RBFOX1: variants seen among roughly 807,000 people sequenced by gnomAD.
RBFOX1 encodes the protein RNA binding protein fox-1 homolog 1.
In RBFOX1, 8 loss-of-function variants were observed where a neutral mutation model predicts 57.7. The observed-to-expected ratio is 0.14, with a 90% CI of 0.08 to 0.25. The LOEUF is 0.25. Among genes scored for constraint, RBFOX1 ranks in the 10% least tolerant of loss-of-function variants. RBFOX1 has a pLI of 1.00. For missense variants in RBFOX1, 611 were observed against 548.5 expected (o/e 1.11, Z -1.14); for synonymous variants, 326 against 222.4 (o/e 1.47, Z -4.15).
chr16:5,393,584 C>T (rs528005973), intron 1 of RBFOX1, among the ~76,000 whole-genome samples: 1 of 152,176 alleles, frequency 6.6e-6, no homozygotes, highest in South Asian at 2.1e-4. Context: ...CAGCATGGAG[C>T]AGACCAGGGC....
intron 2 of RBFOX1, among the ~76,000 whole-genome samples, chr16:6,609,403 A>G (rs568692790): frequency 1.3e-5 from 2 of 151,958 alleles, no homozygotes; most frequent in East Asian, 3.9e-4. Context: ...GGAGTGCAGT[A>G]GTGCAGTCTC....
intron 4 of RBFOX1, among the ~76,000 whole-genome samples, chr16:7,222,586 C>G (rs1364401117): frequency 6.6e-6 from 1 of 152,304 alleles, no homozygotes; most frequent in Admixed American, 6.5e-5. Context: ...GGCTGTTGTT[C>G]CTGCCTGGGT....
In RBFOX1 at chr16:5,323,648, A is replaced by G. The variant is rs553179117; in HGVS notation, c.219+83543A>G. Among the ~76,000 whole-genome samples the G allele has an allele frequency of 2.0e-5, 3 of 152,386 alleles. No homozygotes were observed. The South Asian group carries it at 6.2e-4, about 32-fold the overall frequency. Reference sequence around the variant, plus strand: ...GCATGGATGTGCTGGAAGCTCTGAAAAGTAAAACTTAGTTATTTATATGTT... The same window carrying G: ...GCATGGATGTGCTGGAAGCTCTGAAGAGTAAAACTTAGTTATTTATATGTT... On this transcript the variant is annotated intron_variant, in intron 1 of 2. Coordinates refer to the RBFOX1 transcript ENST00000585867.
chr16:7,424,114 C>G (rs182609100), intron 4 of RBFOX1, among the ~76,000 whole-genome samples: 15 of 152,178 alleles, frequency 9.9e-5, no homozygotes, highest in Middle Eastern at 3.4e-3. Context: ...TTCAGAGCTT[C>G]TTAAGTAATG....
At chr16:6,644,910 G>T (rs1375819283) in intron 2 of RBFOX1, among the ~76,000 whole-genome samples, 1 of 152,144 alleles carries the variant, frequency 6.6e-6, no homozygotes, top group Non-Finnish European at 1.5e-5. Flanking sequence ...AGAGCTCCTT[G>T]ATCCTCTGTA....
At chr16:7,073,625 C>G (rs541507050) in intron 4 of RBFOX1, among the ~76,000 whole-genome samples, 11 of 152,020 alleles carry the variant, frequency 7.2e-5, no homozygotes, top group Non-Finnish European at 1.5e-4. Flanking sequence ...GAGTGGAGCA[C>G]TTGAGCCCAA....
chr16:6,804,289 TGA>T (rs2086191218), intron 3 of RBFOX1, among the ~76,000 whole-genome samples: 1 of 152,072 alleles, frequency 6.6e-6, no homozygotes, highest in South Asian at 2.1e-4. Flanking sequence ...ATTACAGGCA[TGA>T]GCCACCCAGC....
At chr16:7,290,923 G>A (rs916212999) in intron 4 of RBFOX1, among the ~76,000 whole-genome samples, 1 of 152,340 alleles carries the variant, frequency 6.6e-6, no homozygotes, top group East Asian at 1.9e-4. Flanking sequence ...GAAACACACA[G>A]AGGTGCTATC....
At chr16:6,535,442 A>G (rs1008221308) in intron 2 of RBFOX1, among the ~76,000 whole-genome samples, 5 of 151,916 alleles carry the variant, frequency 3.3e-5, no homozygotes, top group Non-Finnish European at 7.4e-5. Context: ...ACCCCTATGC[A>G]TTTTCTTTTC....
Position 6,859,118 on chromosome 16 carries a change from T to TATAC in RBFOX1, c.-15-192936_-15-192935insCATA, listed in dbSNP as rs1326484700. Reference sequence around the variant, plus strand: ...TATTGTCCTAAAAAAAGTGTATATATATATATATATACATATATATACGTA... The same window carrying TATAC: ...TATTGTCCTAAAAAAAGTGTATATATATACATATATATATACATATATATACGTA... On this transcript the variant is annotated intron_variant, in intron 3 of 15. Transcript: ENST00000550418. Among the ~76,000 whole-genome samples, 86 of 55,228 alleles carry TATAC rather than the reference T, an allele frequency of 1.6e-3. 3 individuals carry two copies. Among genetic ancestry groups the TATAC allele is most frequent in the African/African-American group, 8.6e-3 (84 of 9,822 alleles). 36.2% of individuals were successfully genotyped at this position (55,228 alleles called of 152,430 possible).
intron 2 of RBFOX1, among the ~76,000 whole-genome samples, chr16:6,318,566 T>A (rs1043422512): frequency 6.6e-6 from 1 of 152,146 alleles, no homozygotes; most frequent in African/African-American, 2.4e-5. Flanking sequence ...CATTCCTCTG[T>A]CTTCTGAATA....
chr16:7,517,367 TA>T (rs2076593882), intron 4 of RBFOX1, among the ~76,000 whole-genome samples: 1 of 151,996 alleles, frequency 6.6e-6, no homozygotes, highest in Non-Finnish European at 1.5e-5. Flanking sequence ...TCTGTGCTCA[TA>T]AAAAAATAAG....
intron 4 of RBFOX1, among the ~76,000 whole-genome samples, chr16:7,106,790 G>A (rs1250804923): frequency 6.6e-6 from 1 of 151,818 alleles, no homozygotes; most frequent in East Asian, 1.9e-4. Flanking sequence ...GACGTGACCA[G>A]ATGCCCTAAA....
At chr16:7,367,403 C>T (rs1405426001) in intron 4 of RBFOX1, among the ~76,000 whole-genome samples, 1 of 152,232 alleles carries the variant, frequency 6.6e-6, no homozygotes, top group Non-Finnish European at 1.5e-5. Flanking sequence ...GTCCCTCTCT[C>T]TTCGATGGAT....
rs971005009 is a variant in RBFOX1 at position 6,882,624 on chromosome 16, C to G, written c.-15-169433C>G. ...ATAAATATAAATAAATAAATAAGAT[C>G]ATGTTTGCAGAGTCCTCAGTGCAGT... is the stretch of plus-strand genomic sequence containing the variant. On this transcript the variant is annotated intron_variant, in intron 3 of 15. Coordinates refer to ENST00000550418, the MANE Select transcript of RBFOX1 (RefSeq NM_018723.4). 2.6e-5 allele frequency among the ~76,000 whole-genome samples: 4 copies of G among 152,020 alleles called. No individual in the cohort carries two copies. In the South Asian group the frequency reaches 8.3e-4, roughly 32 times the overall value.
At chr16:6,978,285 C>G (rs1265571402) in intron 3 of RBFOX1, among the ~76,000 whole-genome samples, 4 of 152,164 alleles carry the variant, frequency 2.6e-5, no homozygotes, top group African/African-American at 7.2e-5. Flanking sequence ...TTCTGAATGT[C>G]TTTATTGTGG....
intron 2 of RBFOX1, among the ~76,000 whole-genome samples, chr16:6,411,778 C>G (rs977825077): frequency 6.6e-6 from 1 of 152,200 alleles, no homozygotes; most frequent in African/African-American, 2.4e-5. Flanking sequence ...AACAAGTCAG[C>G]CCTGTACAGT....
chr16:5,899,633 G>T (rs1456887987), intron 4 of RBFOX1, among the ~76,000 whole-genome samples: 1 of 152,264 alleles, frequency 6.6e-6, no homozygotes, highest in African/African-American at 2.4e-5. Flanking sequence ...GTACCTGATT[G>T]GGTCAAAACC....
At chr16:5,543,675 G>A (rs927240184) in intron 2 of RBFOX1, among the ~76,000 whole-genome samples, 1 of 151,990 alleles carries the variant, frequency 6.6e-6, no homozygotes, top group Admixed American at 6.6e-5. Context: ...CAAACCCAGA[G>A]ACCTAAGAAA....
Sources: gnomAD v4.1 joint callset for allele counts (sites outside exome capture counted in the v4.1 genomes callset) on GRCh38, gnomAD v4.1.1 for gene constraint, MANE v1.5 for transcripts, NCBI Gene and HGNC (gene_info 2026-07-23, HGNC 2026-07-21) for gene names.